The following PPM1H variants were observed in gnomAD, a reference collection of about 807,000 sequenced individuals.
PPM1H encodes protein phosphatase 1H.
Under a neutral mutation model 54.9 loss-of-function variants are expected in PPM1H, and 27 were observed. The ratio of observed to expected loss-of-function variants is 0.49; its 90% CI spans 0.36 to 0.68. The LOEUF (loss-of-function observed/expected upper bound fraction) is 0.68, where lower values mean the gene tolerates loss of function less well. Ranked by LOEUF, PPM1H falls within the 30% of genes least tolerant of loss-of-function variation. The pLI, the probability that PPM1H is intolerant of heterozygous loss-of-function variation, is 0.00. For synonymous variants in PPM1H, 305 were observed against 270.8 expected (o/e 1.13, Z -1.24); for missense variants, 596 against 667.8 (o/e 0.89, Z 1.19).
At position 62,932,368 on chromosome 12, in the gene PPM1H, C is replaced by T. The variant is rs113670782; in HGVS notation, c.245+2124G>A. On this transcript the variant is annotated intron_variant, in intron 1 of 9. Coordinates refer to ENST00000228705, the MANE Select transcript of PPM1H (RefSeq NM_020700.2). ...CTCTGAAATTCGTTCTTTCCTTTCC[C>T]TCATGCTTATCTGAGGCTTTCCTTT... Among the ~76,000 whole-genome samples, 1,376 of 152,228 alleles carry T rather than the reference C, an allele frequency of 9.0e-3. 26 individuals carry two copies. The highest frequency in any genetic ancestry group is 0.031 in the African/African-American group (1,304 of 41,546).
At chr12:62,669,179 A>G (rs565309949) in intron 8 of PPM1H, among the ~76,000 whole-genome samples, 1 of 152,374 alleles carries the variant, frequency 6.6e-6, no homozygotes, top group East Asian at 1.9e-4. Flanking sequence ...CAAATTAAAG[A>G]AAACATGAAA....
intron 2 of PPM1H, among the ~76,000 whole-genome samples, chr12:62,824,321 C>A (rs1050716812): frequency 1.3e-5 from 2 of 152,194 alleles, no homozygotes; most frequent in Non-Finnish European, 2.9e-5. Context: ...AATGGCCATA[C>A]TGCCCAAAGT....
At chr12:62,848,042 C>T (rs998005781) in intron 1 of PPM1H, among the ~76,000 whole-genome samples, 4 of 151,974 alleles carry the variant, frequency 2.6e-5, no homozygotes, top group African/African-American at 4.8e-5. Flanking sequence ...ATTTTAATAG[C>T]GGAACCAGAA....
intron 1 of PPM1H, among the ~76,000 whole-genome samples, chr12:62,852,928 T>C (rs1370675772): frequency 6.6e-6 from 1 of 152,228 alleles, no homozygotes; most frequent in East Asian, 1.9e-4. Context: ...AATCCCAGTG[T>C]ACGGGAAACA....
At chr12:62,764,633 G>A (rs2076530378) in intron 4 of PPM1H, among the ~76,000 whole-genome samples, 1 of 151,914 alleles carries the variant, frequency 6.6e-6, no homozygotes, top group African/African-American at 2.4e-5. Context: ...TACTCCTCGA[G>A]CACCTCCTAC....
chr12:62,657,654 T>C (rs1176834044), intron 9 of PPM1H, among the ~76,000 whole-genome samples: 1 of 152,244 alleles, frequency 6.6e-6, no homozygotes, highest in African/African-American at 2.4e-5. Flanking sequence ...ATTTAAGGCA[T>C]AGTTTTTGAA....
chr12:62,850,796 C>T (rs1338260603), intron 1 of PPM1H: 1 of 151,486 alleles, frequency 6.6e-6, no homozygotes, highest in Admixed American at 6.6e-5. Flanking sequence ...GAGTTTCGCA[C>T]TTTTGGGGAA....
intron 1 of PPM1H, among the ~76,000 whole-genome samples, chr12:62,856,541 C>G (rs1467624350): frequency 6.6e-6 from 1 of 151,892 alleles, no homozygotes; most frequent in Non-Finnish European, 1.5e-5. Context: ...CAGAAATATC[C>G]CAGGCTCATT....
intron 1 of PPM1H, among the ~76,000 whole-genome samples, chr12:62,839,637 A>T (rs974763545): frequency 1.3e-5 from 2 of 149,078 alleles, no homozygotes; most frequent in African/African-American, 5.1e-5. Context: ...TTGCAATTAG[A>T]TCTCTGTGAC....
chr12:62,694,484 AG>A (rs1317595251), intron 6 of PPM1H, among the ~76,000 whole-genome samples: 1 of 152,198 alleles, frequency 6.6e-6, no homozygotes, highest in African/African-American at 2.4e-5. Context: ...ATAATATGCA[AG>A]GTTGGTAAAA....
intron 1 of PPM1H, among the ~76,000 whole-genome samples, chr12:62,865,587 C>T (rs140285975): frequency 2.6e-4 from 40 of 152,318 alleles, no homozygotes; most frequent in African/African-American, 8.7e-4. Flanking sequence ...ACCTCCGTCT[C>T]CCGGGCTCAA....
In PPM1H at chr12:62,908,047, C is replaced by T. The variant is rs369608297; in HGVS notation, c.245+26445G>A. Among the ~76,000 whole-genome samples, 21 of 152,174 alleles carry T rather than the reference C, an allele frequency of 1.4e-4. 1 individual carries two copies. The highest frequency in any genetic ancestry group is 7.9e-4 in the Admixed American group (12 of 15,282). The stretch of plus-strand genomic sequence containing the variant: ...AGTACACAAGATTAAAAAGTATTGA[C>T]GATGAGTACAGGACAATCTCCTTAT... On this transcript the variant is annotated intron_variant, in intron 1 of 9. Coordinates refer to ENST00000228705, the MANE Select transcript of PPM1H (RefSeq NM_020700.2).
intron 1 of PPM1H, among the ~76,000 whole-genome samples, chr12:62,930,120 A>G (rs1872088012): frequency 6.6e-6 from 1 of 152,214 alleles, no homozygotes; most frequent in Admixed American, 6.5e-5. Context: ...TATTGGTAAT[A>G]AGCAATTAGT....
chr12:62,863,314 C>T (rs1425628409), intron 1 of PPM1H, among the ~76,000 whole-genome samples: 1 of 152,144 alleles, frequency 6.6e-6, no homozygotes, highest in Non-Finnish European at 1.5e-5. Context: ...CAGGCATGAG[C>T]GACTGTGCCT....
intron 1 of PPM1H, among the ~76,000 whole-genome samples, chr12:62,851,335 AAAAC>A (rs1215552585): frequency 1.6e-4 from 25 of 152,362 alleles, no homozygotes; most frequent in African/African-American, 6.0e-4. Context: ...ATTAACATCA[AAAAC>A]AAACAAATAT....
At chr12:62,745,411 T>C (rs1012619446) in intron 4 of PPM1H, among the ~76,000 whole-genome samples, 8 of 152,182 alleles carry the variant, frequency 5.3e-5, no homozygotes, top group Non-Finnish European at 1.0e-4. Flanking sequence ...AGGAAACGTA[T>C]GCTCCTTTTG....
At chr12:62,683,150 T>C (rs1339092327) in intron 8 of PPM1H, among the ~76,000 whole-genome samples, 3 of 151,262 alleles carry the variant, frequency 2.0e-5, no homozygotes, top group Non-Finnish European at 2.9e-5. Flanking sequence ...GTTCAAATGA[T>C]CTTCTCGCCT....
chr12:62,848,526 G>A (rs891321707), intron 1 of PPM1H, among the ~76,000 whole-genome samples: 1 of 152,166 alleles, frequency 6.6e-6, no homozygotes, highest in Non-Finnish European at 1.5e-5. Context: ...TCATCTGGAG[G>A]ACTTCTTAAA....
intron 8 of PPM1H, 49 bp from the exon 9 acceptor site, chr12:62,667,378 T>C: frequency 6.9e-7 from 1 of 1,440,202 alleles, no homozygotes; most frequent in Non-Finnish European, 9.4e-7. Flanking sequence ...AAGCATATTA[T>C]TCTCCCTAAC....
Sources: allele counts gnomAD v4.1 joint callset (sites outside exome capture counted in the v4.1 genomes callset), GRCh38; gene constraint gnomAD v4.1.1; transcripts MANE v1.5; gene names NCBI Gene and HGNC (gene_info 2026-07-23, HGNC 2026-07-21).